RASA3: variants seen among roughly 807,000 people sequenced by gnomAD.
RASA3 encodes ras GTPase-activating protein 3.
RASA3 carries 73 observed loss-of-function variants against 110.0 expected under a neutral mutation model. That is an observed-to-expected ratio of 0.66 (90% CI 0.55 to 0.81). The LOEUF (loss-of-function observed/expected upper bound fraction) is 0.81. Ranked by LOEUF, RASA3 falls within the 30% of genes least tolerant of loss-of-function variation. The probability of loss-of-function intolerance (pLI) is 0.00; values close to 1 mark genes in which losing one functional copy is unlikely to be tolerated. For synonymous variants in RASA3, 500 were observed against 451.4 expected (o/e 1.11, Z -1.37); for missense variants, 976 against 1,113.2 (o/e 0.88, Z 1.75).
chr13:114,013,818 C>T (rs2053711585), intron 14 of RASA3, among the ~76,000 whole-genome samples: 1 of 149,180 alleles, frequency 6.7e-6, no homozygotes, highest in African/African-American at 2.5e-5. Flanking sequence ...CTCTCCCCGT[C>T]TCTTTCTCTC....
chr13:114,044,931 CTT>C (rs924600504), intron 3 of RASA3, among the ~76,000 whole-genome samples: 2 of 152,096 alleles, frequency 1.3e-5, no homozygotes, highest in African/African-American at 4.8e-5. Context: ...GATTACAAGT[CTT>C]TAATTTTAGA....
chr13:114,097,885 G>A (rs1296156410), intron 1 of RASA3, among the ~76,000 whole-genome samples: 1 of 152,180 alleles, frequency 6.6e-6, no homozygotes, highest in African/African-American at 2.4e-5. Context: ...TGTCTCATTC[G>A]TGACCCTGTG....
intron 13 of RASA3, among the ~76,000 whole-genome samples, 194 bp downstream of exon 13, chr13:114,016,003 A>G (rs1474243462): frequency 6.6e-6 from 1 of 152,118 alleles, no homozygotes; most frequent in Non-Finnish European, 1.5e-5. Context: ...CACACAGGCC[A>G]GGCCAAAGGT....
rs749134099 is a variant in RASA3, at chr13:113,992,632, A to C, written c.2142-44T>G. On this transcript the variant is annotated intron_variant, in intron 21 of 23. Coordinates refer to ENST00000334062, the MANE Select transcript of RASA3 (RefSeq NM_007368.4). Reference sequence around the variant, plus strand: ...AACAGAAAGATAAAAACACTTATTTAAACGATGCTTTTAATAATGACATTC... The same window carrying C: ...AACAGAAAGATAAAAACACTTATTTCAACGATGCTTTTAATAATGACATTC... 9 of 1,385,332 alleles carry C rather than the reference A, an allele frequency of 6.5e-6. No individual in the cohort carries two copies. In the East Asian group the frequency reaches 1.6e-4, roughly 25 times the overall value. The allele number at this position is 1,385,332 out of a possible 1,614,324, so 85.8% of individuals were successfully genotyped here.
chr13:114,105,961 C>T (rs2080129583), intron 1 of RASA3, among the ~76,000 whole-genome samples: 1 of 152,152 alleles, frequency 6.6e-6, no homozygotes, highest in African/African-American at 2.4e-5. Flanking sequence ...TTGCACCCGC[C>T]CTGAGCTGAG....
At chr13:113,998,887 G>A (rs184819487) in intron 20 of RASA3, among the ~76,000 whole-genome samples, 9 of 152,380 alleles carry the variant, frequency 5.9e-5, no homozygotes, top group Admixed American at 1.3e-4. Flanking sequence ...CCGGAAGAAC[G>A]GGACTGGACA....
chr13:114,077,878 TAAAA>T, intron 1 of RASA3: 1 of 856,722 alleles, frequency 1.2e-6, no homozygotes, highest in Non-Finnish European at 1.4e-6. Context: ...ATGCATTTAA[TAAAA>T]AAAAAAGTGG....
intron 20 of RASA3, among the ~76,000 whole-genome samples, chr13:113,997,445 T>A (rs2053281604): frequency 6.6e-6 from 1 of 150,714 alleles, no homozygotes; most frequent in Admixed American, 6.6e-5. Context: ...GTAGTCGGCG[T>A]TGACTCAAAG....
intron 20 of RASA3, among the ~76,000 whole-genome samples, chr13:113,998,437 C>T (rs1489202630): frequency 1.3e-5 from 2 of 152,244 alleles, no homozygotes; most frequent in South Asian, 2.1e-4. Flanking sequence ...AACTTTGGCA[C>T]GAGGCCCAGG....
chr13:114,129,107 C>T (rs962446891), intron 1 of RASA3, among the ~76,000 whole-genome samples: 2 of 152,216 alleles, frequency 1.3e-5, no homozygotes, highest in African/African-American at 4.8e-5. Flanking sequence ...AAAACAACGC[C>T]GTGGCCGTGG....
At chr13:114,037,129 G>C (rs913810505) in intron 4 of RASA3, among the ~76,000 whole-genome samples, 1 of 152,150 alleles carries the variant, frequency 6.6e-6, no homozygotes, top group African/African-American at 2.4e-5. Flanking sequence ...ACGCAGCCTC[G>C]GGCGTTAATT....
chr13:114,015,400 C>T (rs1026411668), intron 13 of RASA3, 68 bp from the exon 14 acceptor site: 28 of 1,587,384 alleles, frequency 1.8e-5, no homozygotes, highest in African/African-American at 1.1e-4. Context: ...CACCAGGGCA[C>T]GCCCAGGGAG....
intron 1 of RASA3, among the ~76,000 whole-genome samples, chr13:114,094,723 T>C (rs1171656438): frequency 1.3e-5 from 2 of 152,246 alleles, no homozygotes; most frequent in Admixed American, 6.5e-5. Context: ...CAAGAAAGGG[T>C]ATAAATAAAT....
At chr13:114,104,850 C>T (rs2080112333) in intron 1 of RASA3, among the ~76,000 whole-genome samples, 1 of 150,776 alleles carries the variant, frequency 6.6e-6, no homozygotes, top group African/African-American at 2.4e-5. Flanking sequence ...TCCCTCCCCA[C>T]ACACACGTTC....
In RASA3 at chr13:114,000,906, C is replaced by T; in HGVS notation, c.1769G>A (p.Arg590Gln). The change falls in exon 19 of 24, where the codon CGG (arginine) becomes CAG (glutamine). Residue 590 changes from arginine to glutamine, a missense_variant. Transcript: ENST00000334062. Reference sequence around the variant, plus strand: ...AAAATTCTTCATCCCAAAGCGCTTCCGTCCTTGGGCCCTCTTGATCATGAA... The same window carrying T: ...AAAATTCTTCATCCCAAAGCGCTTCTGTCCTTGGGCCCTCTTGATCATGAA... ...EGFMIKRAQG[R>Q]KRFGMKNFKK... 1.2e-6 allele frequency: 2 copies of T among 1,613,602 alleles called. No homozygotes were observed. The highest frequency in any genetic ancestry group is 1.7e-6 in the Non-Finnish European group (2 of 1,179,626).
At chr13:113,994,519 C>G (rs1328118496) in intron 21 of RASA3, among the ~76,000 whole-genome samples, 1 of 151,774 alleles carries the variant, frequency 6.6e-6, no homozygotes, top group Non-Finnish European at 1.5e-5. Context: ...CATCCCTGGC[C>G]AGTCAGGGAG....
At chr13:114,083,555 CGGGG>C (rs2079816927) in intron 1 of RASA3, among the ~76,000 whole-genome samples, 1 of 139,526 alleles carries the variant, frequency 7.2e-6, no homozygotes, top group Non-Finnish European at 1.6e-5. Flanking sequence ...GGGGAAATCA[CGGGG>C]AAGTGGTGAG....
chr13:114,023,841 G>A (rs900382518), intron 8 of RASA3, among the ~76,000 whole-genome samples: 2 of 152,226 alleles, frequency 1.3e-5, no homozygotes, highest in South Asian at 4.1e-4. Flanking sequence ...GAGTCAAAGG[G>A]GACAGGGTCT....
chr13:114,033,207 C>T (rs2054209933), intron 4 of RASA3, among the ~76,000 whole-genome samples: 1 of 98,910 alleles, frequency 1.0e-5, no homozygotes, highest in Non-Finnish European at 2.1e-5. Context: ...GACACCACGC[C>T]CCACAGCACC....
Sources: allele counts gnomAD v4.1 joint callset (sites outside exome capture counted in the v4.1 genomes callset), GRCh38; gene constraint gnomAD v4.1.1; transcripts MANE v1.5; gene names NCBI Gene and HGNC (gene_info 2026-07-23, HGNC 2026-07-21).